CHCHD3: variants seen among roughly 807,000 people sequenced by gnomAD.
CHCHD3 encodes the protein coiled-coil-helix-coiled-coil-helix domain containing 3, also known as MICOS complex subunit MIC19.
A neutral mutation model predicts 38.2 loss-of-function variants in CHCHD3; 20 were observed. That is an observed-to-expected ratio of 0.52 (90% CI 0.37 to 0.76). CHCHD3 has a LOEUF of 0.76. CHCHD3 is among the 30% of genes least tolerant of loss of function. The pLI is 0.00. For missense variants in CHCHD3, 245 were observed against 279.2 expected, an observed-to-expected ratio of 0.88 and a Z score of 0.87; for synonymous variants, 82 against 100.0, an observed-to-expected ratio of 0.82 and a Z score of 1.07.
intron 5 of CHCHD3, among the ~76,000 whole-genome samples, chr7:132,845,746 T>C (rs773195883): frequency 1.1e-4 from 17 of 152,198 alleles, no homozygotes; most frequent in Admixed American, 2.0e-4. Context: ...GAGAATCTCC[T>C]AAAATGGTCC....
chr7:132,888,767 C>T (rs1023899543), intron 4 of CHCHD3, among the ~76,000 whole-genome samples: 1 of 151,584 alleles, frequency 6.6e-6, no homozygotes, highest in Non-Finnish European at 1.5e-5. Context: ...GATATCGTAA[C>T]AGAAAATTAA....
chr7:132,813,472 T>C (rs560693041), intron 6 of CHCHD3: 24 of 152,286 alleles, frequency 1.6e-4, no homozygotes, highest in African/African-American at 5.1e-4. Context: ...AAGATGCAAA[T>C]TTTTCCTCAT....
At chr7:132,866,757 T>C (rs1336353848) in intron 5 of CHCHD3, among the ~76,000 whole-genome samples, 1 of 152,210 alleles carries the variant, frequency 6.6e-6, no homozygotes, top group African/African-American at 2.4e-5. Context: ...ATAAGCACTG[T>C]CTGCCAGACT....
intron 5 of CHCHD3, among the ~76,000 whole-genome samples, chr7:132,861,147 G>T (rs1403359712): frequency 1.3e-5 from 2 of 152,172 alleles, no homozygotes; most frequent in Non-Finnish European, 2.9e-5. Context: ...AGGAAGGAGG[G>T]AATGTGAGGA....
At chr7:132,961,389 A>C (rs898791720) in intron 4 of CHCHD3, among the ~76,000 whole-genome samples, 1 of 152,242 alleles carries the variant, frequency 6.6e-6, no homozygotes, top group African/African-American at 2.4e-5. Context: ...GGTTTCATCC[A>C]CTATGATACA....
intron 6 of CHCHD3, among the ~76,000 whole-genome samples, chr7:132,827,590 A>G (rs1807537700): frequency 6.6e-6 from 1 of 152,218 alleles, no homozygotes. Context: ...ACCAATCTTC[A>G]GTGTTCATAT....
chr7:133,032,064 A>G (rs1174981488), intron 2 of CHCHD3, among the ~76,000 whole-genome samples: 2 of 152,198 alleles, frequency 1.3e-5, no homozygotes, highest in Non-Finnish European at 2.9e-5. Flanking sequence ...CCTGCTCCTT[A>G]TCTTCTAAAA....
chr7:132,933,916 T>C (rs980798649), intron 4 of CHCHD3, among the ~76,000 whole-genome samples: 2 of 152,222 alleles, frequency 1.3e-5, no homozygotes, highest in East Asian at 3.8e-4. Context: ...GTAGCCTATC[T>C]GGGTTGTGGG....
At chr7:132,837,393 T>G (rs1189770997) in intron 6 of CHCHD3, among the ~76,000 whole-genome samples, 1 of 152,228 alleles carries the variant, frequency 6.6e-6, no homozygotes, top group Non-Finnish European at 1.5e-5. Context: ...TCTCTAATAG[T>G]GAGACTTGTG....
intron 2 of CHCHD3, among the ~76,000 whole-genome samples, chr7:133,062,185 T>C (rs970073062): frequency 2.6e-5 from 4 of 152,164 alleles, no homozygotes; most frequent in Admixed American, 6.5e-5. Context: ...TGGATTGATT[T>C]TGAACCTCTC....
intron 4 of CHCHD3, among the ~76,000 whole-genome samples, chr7:132,923,355 T>C (rs1036441909): frequency 6.6e-6 from 1 of 152,180 alleles, no homozygotes; most frequent in Admixed American, 6.5e-5. Flanking sequence ...ACAGACAGAT[T>C]TGTGTGACTG....
At chr7:132,841,826 G>T (rs141248747) in intron 5 of CHCHD3, among the ~76,000 whole-genome samples, 1 of 152,126 alleles carries the variant, frequency 6.6e-6, no homozygotes, top group Admixed American at 6.5e-5. Context: ...GGCCGGGCAC[G>T]GTGGCTCATG....
intron 6 of CHCHD3, among the ~76,000 whole-genome samples, chr7:132,831,441 G>T (rs1421918642): frequency 6.6e-6 from 1 of 152,152 alleles, no homozygotes; most frequent in Non-Finnish European, 1.5e-5. Context: ...ATCAATACGT[G>T]TTAGAGAAGA....
chr7:132,968,196 G>C (rs145761722), intron 4 of CHCHD3, among the ~76,000 whole-genome samples: 7 of 152,258 alleles, frequency 4.6e-5, no homozygotes, highest in Non-Finnish European at 1.0e-4. Flanking sequence ...GAACACAAAG[G>C]AGAAAACAGA....
intron 5 of CHCHD3, among the ~76,000 whole-genome samples, chr7:132,874,225 C>T (rs911942401): frequency 4.6e-5 from 7 of 152,202 alleles, no homozygotes; most frequent in Admixed American, 2.6e-4. Context: ...GTGTGGTGAT[C>T]ATGCCATTCT....
At chr7:133,070,450 TA>T (rs1463453188) in intron 1 of CHCHD3, among the ~76,000 whole-genome samples, 1 of 152,236 alleles carries the variant, frequency 6.6e-6, no homozygotes, top group East Asian at 1.9e-4. Context: ...AATGCACTGC[TA>T]ATTGTTCATT....
intron 6 of CHCHD3, among the ~76,000 whole-genome samples, chr7:132,834,033 G>A (rs926797675): frequency 6.6e-6 from 1 of 152,112 alleles, no homozygotes. Context: ...GTTGAGTTCC[G>A]GTTCAGGTTC....
chr7:132,858,088 A>C (rs1462961978), intron 5 of CHCHD3, among the ~76,000 whole-genome samples: 1 of 151,940 alleles, frequency 6.6e-6, no homozygotes, highest in African/African-American at 2.4e-5. Context: ...GTTGAGACTG[A>C]ATCTCACTCT....
At position 132,988,657 on chromosome 7, in the gene CHCHD3, C is replaced by CA. The variant is rs552822146; in HGVS notation, c.252-13372dup. On this transcript the variant is annotated intron_variant, in intron 3 of 7. Coordinates refer to ENST00000262570, the MANE Select transcript of CHCHD3 (RefSeq NM_017812.4). Reference sequence around the variant, plus strand: ...AGCCAGGCTCAGTGGCTCATGCCTGCAATCCCAGCTGCTCAGGAGGATGAG... The same window carrying CA: ...AGCCAGGCTCAGTGGCTCATGCCTGCAAATCCCAGCTGCTCAGGAGGATGAG... Among the ~76,000 whole-genome samples the CA allele has an allele frequency of 8.5e-5, 13 of 152,152 alleles. No homozygotes were observed. The South Asian group carries it at 1.5e-3, about 17-fold the overall frequency.
Sources: gnomAD v4.1 joint callset for allele counts (sites outside exome capture counted in the v4.1 genomes callset) on GRCh38, gnomAD v4.1.1 for gene constraint, MANE v1.5 for transcripts, NCBI Gene and HGNC (gene_info 2026-07-23, HGNC 2026-07-21) for gene names.